ESR1: variants seen among roughly 807,000 people sequenced by gnomAD.
The protein encoded by ESR1 is estrogen receptor 1.
In ESR1, 12 loss-of-function variants were observed where a neutral mutation model predicts 52.7. That is an observed-to-expected ratio of 0.23 (90% CI 0.15 to 0.37). The LOEUF is 0.37. Ranked by LOEUF, ESR1 falls within the 10% of genes least tolerant of loss-of-function variation. ESR1 has a pLI of 1.00. For synonymous variants in ESR1, 305 were observed against 316.8 expected, an observed-to-expected ratio of 0.96 and a Z score of 0.39; for missense variants, 584 against 779.7, an observed-to-expected ratio of 0.75 and a Z score of 2.99.
chr6:151,802,932 C>T (rs987441445), upstream of ESR1, among the ~76,000 whole-genome samples: 131 of 150,216 alleles, frequency 8.7e-4, 2 homozygotes, highest in Admixed American at 8.5e-3. Flanking sequence ...GCAGAGGTTG[C>T]AGTGAGCCGA....
chr6:151,830,522 C>A (rs982838089), intron 1 of ESR1, among the ~76,000 whole-genome samples: 3 of 152,156 alleles, frequency 2.0e-5, no homozygotes, highest in Admixed American at 2.0e-4. Flanking sequence ...TCTCTCTCGA[C>A]TTACCTTTTT....
intron 2 of ESR1, among the ~76,000 whole-genome samples, chr6:151,861,592 C>A (rs1185879454): frequency 6.6e-6 from 1 of 152,080 alleles, no homozygotes; most frequent in Non-Finnish European, 1.5e-5. Flanking sequence ...GCAGAGGTGA[C>A]CACGTTCACT....
chr6:151,748,913 G>A (rs1422190739), intron 2 of ESR1, among the ~76,000 whole-genome samples: 2 of 152,156 alleles, frequency 1.3e-5, no homozygotes, highest in Non-Finnish European at 2.9e-5. Context: ...ATTGAAGAAG[G>A]TGATTGGTTC....
intron 2 of ESR1, among the ~76,000 whole-genome samples, chr6:151,756,248 T>C (rs1011852454): frequency 6.6e-6 from 1 of 152,058 alleles, no homozygotes; most frequent in African/African-American, 2.4e-5. Flanking sequence ...TTTTCCTATC[T>C]CACTTTCTTT....
In ESR1 at chr6:151,987,917, A is replaced by G. The variant is rs188825210; in HGVS notation, c.1097-23739A>G. On this transcript the variant is annotated intron_variant, in intron 4 of 7. Coordinates refer to ENST00000206249, the MANE Select transcript of ESR1 (RefSeq NM_000125.4). ...ATGTATATCCTTCCCCCAATAAGAC[A>G]AAGAGTGCAAATAATCACCTCCCTT... Among the ~76,000 whole-genome samples, 107 of 152,258 alleles carry G rather than the reference A, an allele frequency of 7.0e-4. 1 individual carries two copies. Among genetic ancestry groups the G allele is most frequent in the Admixed American group, 2.6e-4 (4 of 15,294 alleles).
intron 4 of ESR1, among the ~76,000 whole-genome samples, chr6:151,985,784 C>T (rs1380547430): frequency 6.6e-6 from 1 of 152,018 alleles, no homozygotes; most frequent in Non-Finnish European, 1.5e-5. Context: ...TCTCATGCCT[C>T]GGCCTCCCTA....
Position 152,053,554 on chromosome 6 carries a change from C to T in ESR1, c.1236-7437C>T, listed in dbSNP as rs1206787803. On this transcript the variant is annotated intron_variant, in intron 5 of 7. Coordinates refer to ENST00000206249, the MANE Select transcript of ESR1 (RefSeq NM_000125.4). This position sits in a 1 kb window ranked among gnomAD's most constrained non-coding sequence, Gnocchi z 4.1. ...TCTCTCTTCCTCTCTCTCTTATCCT[C>T]TCTTTCTCTCAATCCCTCTCTCCCT... Among the ~76,000 whole-genome samples the T allele has an allele frequency of 2.6e-5, 4 of 151,718 alleles. No homozygotes were observed. The highest frequency in any genetic ancestry group is 9.7e-5 in the African/African-American group (4 of 41,278).
At chr6:151,789,942 T>A (rs534486361) in intron 2 of ESR1, among the ~76,000 whole-genome samples, 4 of 152,292 alleles carry the variant, frequency 2.6e-5, no homozygotes, top group African/African-American at 9.6e-5. Flanking sequence ...CTAAGGAACG[T>A]TGGCGTGAGT....
chr6:152,092,718 AT>A lies in ESR1; in HGVS notation c.1370-1665del, dbSNP rs776986763. 4.6e-5 allele frequency among the ~76,000 whole-genome samples: 7 copies of A among 152,168 alleles called. No homozygotes were observed. The East Asian group carries it at 1.3e-3, about 29-fold the overall frequency. On this transcript the variant is annotated intron_variant, in intron 6 of 7. Transcript: ENST00000206249. ...GCTGTGATTAGGCAGGATGGAGCTT[AT>A]TGCTGCAGTGTTAGAAAATGCATCC...
chr6:151,925,628 T>C (rs2032598811), intron 3 of ESR1, among the ~76,000 whole-genome samples: 2 of 152,088 alleles, frequency 1.3e-5, no homozygotes, highest in African/African-American at 4.8e-5. Flanking sequence ...CATACATACA[T>C]ACGTACATAC....
At chr6:151,723,904 C>T (rs1781646316) in intron 2 of ESR1, among the ~76,000 whole-genome samples, 1 of 151,804 alleles carries the variant, frequency 6.6e-6, no homozygotes, top group African/African-American at 2.4e-5. Flanking sequence ...AGTGCTGGTA[C>T]CCCCTAAATC....
At chr6:151,814,355 T>C (rs879712250) in intron 1 of ESR1, among the ~76,000 whole-genome samples, 1 of 152,336 alleles carries the variant, frequency 6.6e-6, no homozygotes, top group Admixed American at 6.5e-5. Context: ...TATTTTCTAA[T>C]ACATAGAAGT....
rs879802058 is a variant in ESR1, at chr6:151,976,436, A to AT, written c.1096+31940dup. Among the ~76,000 whole-genome samples the AT allele has an allele frequency of 1.4e-3, 200 of 143,470 alleles. 2 individuals carry two copies. Among genetic ancestry groups the AT allele is most frequent in the East Asian group, 8.8e-3 (44 of 4,986 alleles). 94.1% of individuals were successfully genotyped at this position (143,470 alleles called of 152,430 possible). ...ACAACACTAAGCCACATATTTCACT[A>AT]TTTTTTTTTTTTGCAGCAAATTGAC... is the stretch of plus-strand genomic sequence containing the variant. On this transcript the variant is annotated intron_variant, in intron 4 of 7. Transcript: ENST00000206249.
upstream of ESR1, among the ~76,000 whole-genome samples, chr6:151,806,492 G>A (rs1240033454): frequency 7.5e-6 from 1 of 132,546 alleles, no homozygotes; most frequent in Non-Finnish European, 1.6e-5. Flanking sequence ...GATTATAGAC[G>A]CATGATATAC....
At chr6:151,973,031 G>A (rs772394725) in intron 4 of ESR1, among the ~76,000 whole-genome samples, 7 of 152,098 alleles carry the variant, frequency 4.6e-5, no homozygotes, top group Non-Finnish European at 1.0e-4. Context: ...TGATTAGATG[G>A]TGCCCACCCA....
At chr6:152,096,666 A>G (rs2050636372) in intron 7 of ESR1, 1 of 455,904 alleles carries the variant, frequency 2.2e-6, no homozygotes, top group African/African-American at 2.0e-5. Flanking sequence ...AGGGTTCCCC[A>G]AGGATTCCTG....
In ESR1 at chr6:151,850,108, A is replaced by ATATATTATTTT. The variant is rs1491263524; in HGVS notation, c.643+7321_643+7322insTATATTATTTT. Among the ~76,000 whole-genome samples, 7 of 27,534 alleles carry ATATATTATTTT rather than the reference A, an allele frequency of 2.5e-4. 1 individual carries two copies. Among genetic ancestry groups the ATATATTATTTT allele is most frequent in the African/African-American group, 5.8e-4 (7 of 12,108 alleles). The allele number at this position is 27,534 out of a possible 152,430, so 18.1% of individuals were successfully genotyped here. A position where few individuals can be genotyped will look rare whatever the true frequency, so the allele number is the denominator to read the frequency against. ...TATATATATAATTTTATATATATAT[A>ATATATTATTTT]CAAAATTATATATATATGTCTGGTA... On this transcript the variant is annotated intron_variant, in intron 2 of 7. Coordinates refer to ENST00000206249, the MANE Select transcript of ESR1 (RefSeq NM_000125.4).
At chr6:151,906,084 A>T (rs1343502680) in intron 3 of ESR1, among the ~76,000 whole-genome samples, 2 of 152,218 alleles carry the variant, frequency 1.3e-5, no homozygotes, top group South Asian at 2.1e-4. Flanking sequence ...CAAAAAGTTA[A>T]TGCTGGACAG....
intron 1 of ESR1, among the ~76,000 whole-genome samples, chr6:151,817,703 C>A (rs3904766): frequency 1.3e-5 from 2 of 152,186 alleles, no homozygotes; most frequent in Non-Finnish European, 2.9e-5. Flanking sequence ...AGGAAGCAAT[C>A]TAAAACATGG....
Sources: gnomAD v4.1 joint callset for allele counts (sites outside exome capture counted in the v4.1 genomes callset) on GRCh38, gnomAD v4.1.1 for gene constraint, Gnocchi (gnomAD v3.1) non-coding constraint, MANE v1.5 for transcripts, NCBI Gene and HGNC (gene_info 2026-07-23, HGNC 2026-07-21) for gene names.